The following MFSD6 variants were observed in gnomAD, a reference collection of about 807,000 sequenced individuals.
MFSD6 encodes the protein major facilitator superfamily domain containing 6.
A neutral mutation model predicts 56.3 loss-of-function variants in MFSD6; 26 were observed. The observed-to-expected ratio is 0.46, with a 90% CI of 0.34 to 0.64. The LOEUF is 0.64. MFSD6 is among the 30% of genes least tolerant of loss of function. The pLI is 0.01. For synonymous variants in MFSD6, 331 were observed against 366.9 expected (o/e 0.90, Z 1.12); for missense variants, 750 against 986.2 (o/e 0.76, Z 3.21).
rs1045020623 is a variant in MFSD6, at chr2:190,443,894, A to T, written c.1532+6333A>T. 2.0e-5 allele frequency among the ~76,000 whole-genome samples: 3 copies of T among 152,138 alleles called. No homozygotes were observed. The highest frequency in any genetic ancestry group is 7.2e-5 in the African/African-American group (3 of 41,428). ...ACATGGTGAGACCTTGTCTCTACAA[A>T]AAATAACATTAGCTGGGCATGGTGT... is the stretch of plus-strand genomic sequence containing the variant. On this transcript the variant is annotated intron_variant, in intron 3 of 7. Coordinates refer to ENST00000392328, the MANE Select transcript of MFSD6 (RefSeq NM_017694.4). The surrounding 1 kb of genome is among the most constrained non-coding windows in gnomAD (Gnocchi z 4.2).
rs1481236377 is a variant in MFSD6 at position 190,471,616 on chromosome 2, C to G, written c.1630+1761C>G. Among the ~76,000 whole-genome samples the G allele has an allele frequency of 6.6e-6, 1 of 152,176 alleles. No individual in the cohort carries two copies. Among genetic ancestry groups the G allele is most frequent in the Non-Finnish European group, 1.5e-5 (1 of 68,026 alleles). Reference sequence around the variant, plus strand: ...CTGGGAAGCTTGAACTGGGTGGAGCCCACCACAGCTCAAGGAGGCCTGCCT... The same window carrying G: ...CTGGGAAGCTTGAACTGGGTGGAGCGCACCACAGCTCAAGGAGGCCTGCCT... On this transcript the variant is annotated intron_variant, in intron 4 of 7. Coordinates refer to ENST00000392328, the MANE Select transcript of MFSD6 (RefSeq NM_017694.4). The surrounding 1 kb of genome is among the most constrained non-coding windows in gnomAD (Gnocchi z 4.7).
chr2:190,485,240 C>T lies in MFSD6; in HGVS notation c.1631-3417C>T, dbSNP rs1688943979. On this transcript the variant is annotated intron_variant, in intron 4 of 7. Coordinates refer to ENST00000392328, the MANE Select transcript of MFSD6 (RefSeq NM_017694.4). This position sits in a 1 kb window ranked among gnomAD's most constrained non-coding sequence, Gnocchi z 5.1. ...AAGAGTTTGTGTGTGTCCAAGCCTTCACACTTAAAAGAATAACTGCTAGAA... is the reference window on the plus strand; with the variant it reads ...AAGAGTTTGTGTGTGTCCAAGCCTTTACACTTAAAAGAATAACTGCTAGAA... Among the ~76,000 whole-genome samples, 1 of 152,130 alleles carries T rather than the reference C, an allele frequency of 6.6e-6. No individual in the cohort carries two copies. The highest frequency in any genetic ancestry group is 2.4e-5 in the African/African-American group (1 of 41,440).
In MFSD6 at chr2:190,490,039, C is replaced by G. The variant is rs1191558805; in HGVS notation, c.1891+173C>G. ...GACTATTGTTAAAGAGATCCACCTA[C>G]TATGCAGAAAAAATATTGTTTTAAG... On this transcript the variant is annotated intron_variant, in intron 6 of 7. Transcript: ENST00000392328. This position sits in a 1 kb window ranked among gnomAD's most constrained non-coding sequence, Gnocchi z 4.5. Among the ~76,000 whole-genome samples, 1 of 152,054 alleles carries G rather than the reference C, an allele frequency of 6.6e-6. No individual in the cohort carries two copies. Among genetic ancestry groups the G allele is most frequent in the Non-Finnish European group, 1.5e-5 (1 of 68,030 alleles).
intron 2 of MFSD6, 64 bp from the exon 3 acceptor site, chr2:190,435,913 G>A: frequency 7.6e-7 from 1 of 1,315,026 alleles, no homozygotes; most frequent in Middle Eastern, 2.0e-4. Flanking sequence ...CCTGCAAGAT[G>A]AAGTTCTGTG....
chr2:190,479,731 A>G (rs1688553358), intron 4 of MFSD6, among the ~76,000 whole-genome samples: 1 of 152,132 alleles, frequency 6.6e-6, no homozygotes, highest in African/African-American at 2.4e-5. Flanking sequence ...TGCTATAACT[A>G]AAGAGGTACT....
rs1218589026 is a variant in MFSD6, at chr2:190,426,339, A to G, written c.-53-9638A>G. ...TTATTCTGCTTTATTAAGTGTATCC[A>G]TTAAGATTTATTTTTGTGGTTGTAT... On this transcript the variant is annotated intron_variant, in intron 2 of 7. Transcript: ENST00000392328. The surrounding 1 kb of genome is among the most constrained non-coding windows in gnomAD (Gnocchi z 4.7). Among the ~76,000 whole-genome samples the G allele has an allele frequency of 6.6e-6, 1 of 152,056 alleles. No homozygotes were observed. Among genetic ancestry groups the G allele is most frequent in the Non-Finnish European group, 1.5e-5 (1 of 68,010 alleles).
At position 190,463,736 on chromosome 2, in the gene MFSD6, C is replaced by T. The variant is rs1687452101; in HGVS notation, c.1533-6022C>T. ...TTGGGGGGCTGAGGTGGGAGGATCA[C>T]CTGGGCTCTGGTGGTCAAGGCTGCA... On this transcript the variant is annotated intron_variant, in intron 3 of 7. Transcript: ENST00000392328. The surrounding 1 kb of genome is among the most constrained non-coding windows in gnomAD (Gnocchi z 4.4). 2 of 286,852 alleles carry T rather than the reference C, an allele frequency of 7.0e-6. No homozygotes were observed. The highest frequency in any genetic ancestry group is 6.5e-5 in the Admixed American group (1 of 15,402). 17.8% of individuals were successfully genotyped at this position (286,852 alleles called of 1,614,324 possible). A position where few individuals can be genotyped will look rare whatever the true frequency, so the allele number is the denominator to read the frequency against.
At chr2:190,466,839 C>G (rs1411209347) in intron 3 of MFSD6, among the ~76,000 whole-genome samples, 3 of 152,192 alleles carry the variant, frequency 2.0e-5, no homozygotes, top group African/African-American at 7.2e-5. Flanking sequence ...TTCATAGCCA[C>G]TCAGCTTGTT....
In MFSD6 at chr2:190,494,872, G is replaced by A. The variant is rs1399838518; in HGVS notation, c.1892-2567G>A. Among the ~76,000 whole-genome samples the A allele has an allele frequency of 6.6e-6, 1 of 152,134 alleles. No homozygotes were observed. The highest frequency in any genetic ancestry group is 1.5e-5 in the Non-Finnish European group (1 of 68,022). ...ACACAGTGAAATAAAAGCCATTTGT[G>A]ATAAACCCACAGCCAACATAATACT... is the stretch of plus-strand genomic sequence containing the variant. On this transcript the variant is annotated intron_variant, in intron 6 of 7. Coordinates refer to ENST00000392328, the MANE Select transcript of MFSD6 (RefSeq NM_017694.4). The surrounding 1 kb of genome is among the most constrained non-coding windows in gnomAD (Gnocchi z 5.7).
At position 190,462,205 on chromosome 2, in the gene MFSD6, A is replaced by T. The variant is rs1687366343; in HGVS notation, c.1533-7553A>T. On this transcript the variant is annotated intron_variant, in intron 3 of 7. Transcript: ENST00000392328. The surrounding 1 kb of genome is among the most constrained non-coding windows in gnomAD (Gnocchi z 5.7). Reference sequence around the variant, plus strand: ...TATTGAGTACACATACAGACATTTTATGGAGAAATGGGAACAGAATAACCA... The same window carrying T: ...TATTGAGTACACATACAGACATTTTTTGGAGAAATGGGAACAGAATAACCA... Among the ~76,000 whole-genome samples, 1 of 152,134 alleles carries T rather than the reference A, an allele frequency of 6.6e-6. No homozygotes were observed. The highest frequency in any genetic ancestry group is 1.5e-5 in the Non-Finnish European group (1 of 68,032).
intron 4 of MFSD6, among the ~76,000 whole-genome samples, chr2:190,474,729 A>G (rs1688181891): frequency 6.6e-6 from 1 of 152,354 alleles, no homozygotes; most frequent in South Asian, 2.1e-4. Flanking sequence ...GGCCAGCATC[A>G]TCCTGATACC....
Position 190,436,006 on chromosome 2 carries a change from A to G in MFSD6, c.-24A>G. On this transcript the variant is annotated 5_prime_UTR_variant, in exon 3 of 8. Transcript: ENST00000392328. The surrounding 1 kb of genome is among the most constrained non-coding windows in gnomAD (Gnocchi z 5.3). ...ACAGTACAAATTCTGAAGTTTGTAA[A>G]CTTGCTGATGGTGGTGGTAAGCCAT... 6.3e-7 allele frequency: 1 copy of G among 1,581,392 alleles called. No homozygotes were observed. The highest frequency in any genetic ancestry group is 8.6e-7 in the Non-Finnish European group (1 of 1,164,314).
intron 3 of MFSD6, among the ~76,000 whole-genome samples, chr2:190,455,855 G>C (rs970035432): frequency 1.3e-5 from 2 of 148,332 alleles, no homozygotes; most frequent in African/African-American, 2.5e-5. Context: ...AAACAGAATA[G>C]AGCAAAATTT....
chr2:190,493,696 A>G (rs528789928), intron 6 of MFSD6, among the ~76,000 whole-genome samples: 41 of 152,336 alleles, frequency 2.7e-4, no homozygotes, highest in African/African-American at 9.4e-4. Context: ...GTGGAATAAA[A>G]CTGGAAATCA....
In MFSD6 at chr2:190,456,552, T is replaced by A. The variant is rs1034760539; in HGVS notation, c.1533-13206T>A. ...CTGCTCTAGGAACCTGCAGGGCTGATGGCATGGCCTAAGCCCAAGAGGGAG... is the reference window on the plus strand; with the variant it reads ...CTGCTCTAGGAACCTGCAGGGCTGAAGGCATGGCCTAAGCCCAAGAGGGAG... On this transcript the variant is annotated intron_variant, in intron 3 of 7. Coordinates refer to ENST00000392328, the MANE Select transcript of MFSD6 (RefSeq NM_017694.4). This position sits in a 1 kb window ranked among gnomAD's most constrained non-coding sequence, Gnocchi z 5.4. Among the ~76,000 whole-genome samples, 1 of 152,134 alleles carries A rather than the reference T, an allele frequency of 6.6e-6. No homozygotes were observed. Among genetic ancestry groups the A allele is most frequent in the African/African-American group, 2.4e-5 (1 of 41,402 alleles).
At chr2:190,450,256 C>A (rs1433434833) in intron 3 of MFSD6, among the ~76,000 whole-genome samples, 2 of 151,910 alleles carry the variant, frequency 1.3e-5, no homozygotes, top group East Asian at 3.9e-4. Flanking sequence ...TGGCAGACTG[C>A]AATTATATAA....
chr2:190,444,902 T>A, intron 3 of MFSD6: 1 of 820,874 alleles, frequency 1.2e-6, no homozygotes, highest in Non-Finnish European at 1.5e-6. Flanking sequence ...GACGTTAATC[T>A]TTTTCCTTGT....
At chr2:190,452,126 A>T (rs144474292) in intron 3 of MFSD6, among the ~76,000 whole-genome samples, 2 of 152,130 alleles carry the variant, frequency 1.3e-5, no homozygotes, top group African/African-American at 4.8e-5. Flanking sequence ...TAAATAATCT[A>T]GATGAAAAGT....
chr2:190,448,338 G>A (rs753881318), intron 3 of MFSD6, among the ~76,000 whole-genome samples: 2 of 152,202 alleles, frequency 1.3e-5, no homozygotes, highest in Non-Finnish European at 2.9e-5. Flanking sequence ...TCATACACAT[G>A]CAGAAAGATG....
Sources: allele counts gnomAD v4.1 joint callset (sites outside exome capture counted in the v4.1 genomes callset), GRCh38; gene constraint gnomAD v4.1.1; non-coding constraint Gnocchi (gnomAD v3.1); transcripts MANE v1.5; gene names NCBI Gene and HGNC (gene_info 2026-07-23, HGNC 2026-07-21).